FOXJ2: variants seen among roughly 807,000 people sequenced by gnomAD.
FOXJ2 encodes the protein forkhead box protein J2.
Under a neutral mutation model 68.4 loss-of-function variants are expected in FOXJ2, and 18 were observed. The observed-to-expected ratio is 0.26, with a 90% CI of 0.18 to 0.39. The LOEUF (loss-of-function observed/expected upper bound fraction) is 0.39. FOXJ2 is among the 10% of genes least tolerant of loss of function. The pLI, the probability that FOXJ2 is intolerant of heterozygous loss-of-function variation, is 1.00. For synonymous variants in FOXJ2, 274 were observed against 263.2 expected (o/e 1.04, Z -0.40); for missense variants, 670 against 726.5 (o/e 0.92, Z 0.89).
chr12:8,052,677 A>T (rs943765372), intron 10 of FOXJ2, 85 bp from the exon 11 acceptor site: 4 of 1,184,898 alleles, frequency 3.4e-6, no homozygotes, highest in African/African-American at 3.0e-5. Flanking sequence ...TCGTGGTGTT[A>T]TCTGGGGCTG....
At position 8,048,105 on chromosome 12, in the gene FOXJ2, A is replaced by T. The variant is rs1189276260; in HGVS notation, c.1041A>T (p.Pro347=). Reference sequence around the variant, plus strand: ...CAAGCACAGATGGTTGTACCCCACCAGGGGGAAAGCAAGCTGGGGCGGAAG... The same window carrying T: ...CAAGCACAGATGGTTGTACCCCACCTGGGGGAAAGCAAGCTGGGGCGGAAG... ...HTPSTDGCTP[P]GGKQAGAEGY... The change falls in exon 7 of 11, where the codon CCA becomes CCT. Residue 347 remains proline, a synonymous_variant. Coordinates refer to ENST00000162391, the MANE Select transcript of FOXJ2 (RefSeq NM_018416.3). 1 of 1,612,634 alleles carries T rather than the reference A, an allele frequency of 6.2e-7. No individual in the cohort carries two copies. The highest frequency in any genetic ancestry group is 8.5e-7 in the Non-Finnish European group (1 of 1,179,232).
At position 8,040,190 on chromosome 12, in the gene FOXJ2, C is replaced by T. The variant is rs1430620691; in HGVS notation, c.333+25C>T. The T allele has an allele frequency of 1.2e-6, 2 of 1,608,380 alleles. No homozygotes were observed. The highest frequency in any genetic ancestry group is 8.5e-7 in the Non-Finnish European group (1 of 1,176,494). ...GGTGGGAATGCTTCTATAATCTTGG[C>T]TTAGGTTTAGGCTTCAACAGCCTTT... On this transcript the variant is annotated intron_variant, in intron 2 of 10. Transcript: ENST00000162391. The surrounding 1 kb of genome is among the most constrained non-coding windows in gnomAD (Gnocchi z 4.0).
At chr12:8,039,501 A>C (rs1375793105) in intron 1 of FOXJ2, among the ~76,000 whole-genome samples, 1 of 152,184 alleles carries the variant, frequency 6.6e-6, no homozygotes, top group Admixed American at 6.5e-5. Context: ...CCATTCCTAC[A>C]TAGTTTAAAA....
chr12:8,046,911 C>T (rs990126590), intron 6 of FOXJ2, among the ~76,000 whole-genome samples: 9 of 152,032 alleles, frequency 5.9e-5, no homozygotes, highest in African/African-American at 7.2e-5. Flanking sequence ...AAAATGAATC[C>T]GACTCAGGTG....
At chr12:8,049,776 C>A in intron 9 of FOXJ2, 1 of 473,272 alleles carries the variant, frequency 2.1e-6, no homozygotes. Flanking sequence ...CTGTATGATT[C>A]CTTTTTAGAC....
chr12:8,034,986 G>T (rs1200588090), intron 1 of FOXJ2, among the ~76,000 whole-genome samples: 4 of 152,240 alleles, frequency 2.6e-5, no homozygotes, highest in African/African-American at 9.6e-5. Context: ...GCAAGGACAA[G>T]TTGTGAAGGA....
In FOXJ2 at chr12:8,052,938, C is replaced by A. The variant is rs958783083; in HGVS notation, c.*88C>A. On this transcript the variant is annotated 3_prime_UTR_variant, in exon 11 of 11. Coordinates refer to ENST00000162391, the MANE Select transcript of FOXJ2 (RefSeq NM_018416.3). Reference sequence around the variant, plus strand: ...GCAACCCCAGCCCGTCCCTTCCCCCCGTCTGTATATAGACATATATCCTCT... The same window carrying A: ...GCAACCCCAGCCCGTCCCTTCCCCCAGTCTGTATATAGACATATATCCTCT... 3.1e-6 allele frequency: 3 copies of A among 963,794 alleles called. No individual in the cohort carries two copies. The highest frequency in any genetic ancestry group is 4.9e-6 in the Non-Finnish European group (3 of 618,434). 59.7% of individuals were successfully genotyped at this position (963,794 alleles called of 1,614,324 possible). A position where few individuals can be genotyped will look rare whatever the true frequency, so the allele number is the denominator to read the frequency against.
Position 8,044,969 on chromosome 12 carries a change from A to C in FOXJ2, c.817+11A>C. On this transcript the variant is annotated intron_variant, in intron 6 of 10. Transcript: ENST00000162391. ...CCTCCTCTCAGCACGGTGAGTCTGG[A>C]GTTGGGATGGGTGCAGGGAGACTTT... 6.2e-7 allele frequency: 1 copy of C among 1,613,808 alleles called. No individual in the cohort carries two copies. The highest frequency in any genetic ancestry group is 1.6e-4 in the Middle Eastern group (1 of 6,062).
At chr12:8,034,501 C>T (rs1946871727) in intron 1 of FOXJ2, among the ~76,000 whole-genome samples, 2 of 152,162 alleles carry the variant, frequency 1.3e-5, no homozygotes, top group Non-Finnish European at 2.9e-5. Context: ...AGAAAGTGTG[C>T]AGGGGAATGC....
At chr12:8,034,790 G>A (rs762074175) in intron 1 of FOXJ2, among the ~76,000 whole-genome samples, 1 of 152,132 alleles carries the variant, frequency 6.6e-6, no homozygotes, top group African/African-American at 2.4e-5. Flanking sequence ...TGAGTCCCTC[G>A]AACCTTGTGT....
chr12:8,044,032 C>T lies in FOXJ2; in HGVS notation c.559C>T (p.Pro187Ser), dbSNP rs1446284832. Residue 187 changes from proline (P) to serine (S), a missense_variant, in exon 5 of 11, where the codon CCT becomes TCT. This residue lies in a region of FOXJ2 where 555 missense variants were observed against 562.2 expected (regional missense o/e 0.99). Transcript: ENST00000162391. ...VAGSGEASLPPEGNPQMSLQS... is the reference protein window; with the variant it reads ...VAGSGEASLPSEGNPQMSLQS... ...AGGGAGTGGAGAAGCCTCACTGCCT[C>T]CTGAGGGGAATCCGCAGATGTCACT... 1.3e-6 allele frequency: 2 copies of T among 1,586,306 alleles called. No individual in the cohort carries two copies. Among genetic ancestry groups the T allele is most frequent in the Non-Finnish European group, 1.7e-6 (2 of 1,168,118 alleles).
intron 1 of FOXJ2, among the ~76,000 whole-genome samples, chr12:8,034,187 C>A (rs770794250): frequency 6.6e-6 from 1 of 152,270 alleles, no homozygotes; most frequent in East Asian, 1.9e-4. Context: ...GGTAAGATTC[C>A]CATACCACCC....
At chr12:8,039,141 A>G (rs1275028055) in intron 1 of FOXJ2, among the ~76,000 whole-genome samples, 2 of 152,044 alleles carry the variant, frequency 1.3e-5, no homozygotes, top group African/African-American at 2.4e-5. Flanking sequence ...GTGGTAATGT[A>G]TGCTGTATAT....
intron 9 of FOXJ2, 151 bp downstream of exon 9, chr12:8,049,722 T>G (rs1947089787): frequency 9.1e-6 from 6 of 656,032 alleles, no homozygotes; most frequent in Non-Finnish European, 1.5e-5. Context: ...TGAATATCTG[T>G]TGAATCAGTG....
chr12:8,042,654 C>G lies in FOXJ2; in HGVS notation c.334-4C>G. The G allele has an allele frequency of 6.2e-7, 1 of 1,614,084 alleles. No homozygotes were observed. ...AGGCCTAACTTGCTTCTCTGCCTCT[C>G]CAGAATTCAATACGGCACAACCTTT... On this transcript the variant is annotated splice_region_variant and splice_polypyrimidine_tract_variant and intron_variant, in intron 2 of 10. Transcript: ENST00000162391.
At position 8,044,757 on chromosome 12, in the gene FOXJ2, C is replaced by T. The variant is rs759958029; in HGVS notation, c.619-3C>T. 8.6e-5 allele frequency: 139 copies of T among 1,613,186 alleles called. 3 individuals carry two copies. The South Asian group carries it at 1.1e-3, about 13-fold the overall frequency. Reference sequence around the variant, plus strand: ...ATCAGGAATTTCTTACCTGTTTTTGCAGGGCACAGGATCTGTGGATGGTGG... The same window carrying T: ...ATCAGGAATTTCTTACCTGTTTTTGTAGGGCACAGGATCTGTGGATGGTGG... On this transcript the variant is annotated splice_polypyrimidine_tract_variant and splice_region_variant and intron_variant, in intron 5 of 10. Coordinates refer to ENST00000162391, the MANE Select transcript of FOXJ2 (RefSeq NM_018416.3).
Position 8,033,149 on chromosome 12 carries a change from AC to A in FOXJ2, c.-694del. ...GACCCCTGTACTGGCCGGGGAGGAG[AC>A]CCCCAGAAGTGGAAAGAAGGGAGCT... On this transcript the variant is annotated 5_prime_UTR_variant, in exon 1 of 11. Transcript: ENST00000162391. 2.9e-6 allele frequency: 1 copy of A among 340,702 alleles called. No individual in the cohort carries two copies. The highest frequency in any genetic ancestry group is 5.3e-6 in the Non-Finnish European group (1 of 189,696). 21.1% of individuals were successfully genotyped at this position (340,702 alleles called of 1,614,324 possible).
chr12:8,052,941 C>G lies in FOXJ2; in HGVS notation c.*91C>G. The G allele has an allele frequency of 1.1e-6, 1 of 934,084 alleles. No individual in the cohort carries two copies. Among genetic ancestry groups the G allele is most frequent in the Non-Finnish European group, 1.7e-6 (1 of 592,652 alleles). The allele number at this position is 934,084 out of a possible 1,614,324, so 57.9% of individuals were successfully genotyped here. A position where few individuals can be genotyped will look rare whatever the true frequency, so the allele number is the denominator to read the frequency against. On this transcript the variant is annotated 3_prime_UTR_variant, in exon 11 of 11. Transcript: ENST00000162391. The stretch of plus-strand genomic sequence containing the variant: ...ACCCCAGCCCGTCCCTTCCCCCCGT[C>G]TGTATATAGACATATATCCTCTTTT...
intron 10 of FOXJ2, 100 bp from the exon 11 acceptor site, chr12:8,052,662 C>T: frequency 2.0e-6 from 2 of 1,008,896 alleles, no homozygotes; most frequent in Non-Finnish European, 2.9e-6. Flanking sequence ...CTCACAAGGC[C>T]TTCTTCGTGG....
Sources: allele counts gnomAD v4.1 joint callset (sites outside exome capture counted in the v4.1 genomes callset), GRCh38; gene constraint gnomAD v4.1.1; regional missense constraint gnomAD v4.1.1; non-coding constraint Gnocchi (gnomAD v3.1); transcripts MANE v1.5; gene names NCBI Gene and HGNC (gene_info 2026-07-23, HGNC 2026-07-21).